Variants in IL1RAPL1 observed in about 807,000 individuals in gnomAD.
IL1RAPL1 encodes the protein interleukin-1 receptor accessory protein-like 1.
Under a neutral mutation model 48.4 loss-of-function variants are expected in IL1RAPL1, and 3 were observed. The observed-to-expected ratio is 0.06, with a 90% confidence interval of 0.03 to 0.16. The LOEUF (loss-of-function observed/expected upper bound fraction) is 0.16, where lower values mean the gene tolerates loss of function less well. Among genes scored for constraint, IL1RAPL1 ranks in the 10% least tolerant of loss-of-function variants. The pLI is 1.00. For missense variants in IL1RAPL1, 349 were observed against 530.6 expected, an observed-to-expected ratio of 0.66 and a Z score of 3.36; for synonymous variants, 185 against 187.7, an observed-to-expected ratio of 0.99 and a Z score of 0.12.
At chrX:29,950,102 A>G (rs996938197) in intron 9 of IL1RAPL1, among the ~76,000 whole-genome samples, 1 of 111,872 alleles carries the variant, frequency 8.9e-6, no homozygotes, top group African/African-American at 3.2e-5. Context: ...GAGGCTTTCT[A>G]CCAGTATAAT....
At chrX:28,746,627 T>C (rs1444496757) in intron 1 of IL1RAPL1, among the ~76,000 whole-genome samples, 1 of 112,214 alleles carries the variant, frequency 8.9e-6, no homozygotes, top group African/African-American at 3.2e-5. Context: ...TTAAAGTGAA[T>C]GTTCTGAATA....
intron 2 of IL1RAPL1, among the ~76,000 whole-genome samples, chrX:29,089,452 C>A (rs1488690197): frequency 9.2e-6 from 1 of 109,285 alleles, no homozygotes; most frequent in Non-Finnish European, 1.9e-5. Context: ...ACAGTGTTAA[C>A]TGTAGTCATC....
intron 6 of IL1RAPL1, among the ~76,000 whole-genome samples, chrX:29,855,498 G>T (rs1931459268): frequency 9.0e-6 from 1 of 111,503 alleles, no homozygotes; most frequent in African/African-American, 3.3e-5. Flanking sequence ...TTATCTCAAG[G>T]CTCTAGATAA....
At chrX:29,003,957 C>A (rs772438202) in intron 2 of IL1RAPL1, among the ~76,000 whole-genome samples, 1 of 111,745 alleles carries the variant, frequency 8.9e-6, no homozygotes, top group African/African-American at 3.3e-5. Flanking sequence ...ACCCGGCCAA[C>A]ATGGCAGAAC....
At chrX:29,588,746 C>A (rs1923266804) in intron 5 of IL1RAPL1, among the ~76,000 whole-genome samples, 1 of 112,027 alleles carries the variant, frequency 8.9e-6, no homozygotes, top group African/African-American at 3.2e-5. Flanking sequence ...TGGGGATCAT[C>A]TAGGTGAAGC....
At chrX:28,896,835 A>T (rs959559843) in intron 2 of IL1RAPL1, among the ~76,000 whole-genome samples, 1 of 110,544 alleles carries the variant, frequency 9.0e-6, no homozygotes, top group Non-Finnish European at 1.9e-5. Context: ...GGAGGGAACA[A>T]TGTGTGAAAG....
intron 3 of IL1RAPL1, among the ~76,000 whole-genome samples, chrX:29,335,242 G>A (rs2147640191): frequency 1.3e-5 from 1 of 78,860 alleles, no homozygotes; most frequent in African/African-American, 4.7e-5. Context: ...CGGCATCAGA[G>A]GGAGACCGTG....
intron 2 of IL1RAPL1, among the ~76,000 whole-genome samples, chrX:29,161,417 C>T (rs1388161241): frequency 8.9e-6 from 1 of 112,003 alleles, no homozygotes; most frequent in Non-Finnish European, 1.9e-5. Flanking sequence ...TTGAAGCTAA[C>T]GTATTAGGAA....
At chrX:29,652,158 C>A (rs929081094) in intron 5 of IL1RAPL1, among the ~76,000 whole-genome samples, 11 of 111,558 alleles carry the variant, frequency 9.9e-5, no homozygotes, top group Non-Finnish European at 2.1e-4. Context: ...CTAGTCAAAT[C>A]AAAAAATTTT....
rs1306757700 is a variant in IL1RAPL1, at chrX:29,045,938, TTCTTCC to T, written c.83-236997_83-236992del. On this transcript the variant is annotated intron_variant, in intron 2 of 10. Coordinates refer to ENST00000378993, the MANE Select transcript of IL1RAPL1 (RefSeq NM_014271.4). ...TCCTTCTTCCTCCTCCTCCTCCTCC[TTCTTCC>T]TCCTCCTCCTCCTCCTCCTCCTTCT... 4.5e-4 allele frequency among the ~76,000 whole-genome samples: 18 copies of T among 39,750 alleles called. No individual in the cohort carries two copies. The Admixed American group carries it at 5.4e-3, about 12-fold the overall frequency. The allele number at this position is 39,750 out of a possible 115,157, so 34.5% of individuals were successfully genotyped here.
rs913316963 is a variant in IL1RAPL1, at chrX:28,873,742, A to G, written c.82+84317A>G. On this transcript the variant is annotated intron_variant, in intron 2 of 10. Transcript: ENST00000378993. ...GAGACGGGGTTTCACTGTGTTAGCCAGGATGGTCTGGATCTCCTGACCTCG... is the reference window on the plus strand; with the variant it reads ...GAGACGGGGTTTCACTGTGTTAGCCGGGATGGTCTGGATCTCCTGACCTCG... Among the ~76,000 whole-genome samples, 20 of 107,310 alleles carry G rather than the reference A, an allele frequency of 1.9e-4. No individual in the cohort carries two copies. In the South Asian group the frequency reaches 2.5e-3, roughly 13 times the overall value. 93.2% of individuals were successfully genotyped at this position (107,310 alleles called of 115,157 possible).
chrX:29,528,075 C>G, intron 5 of IL1RAPL1, among the ~76,000 whole-genome samples: 2 of 112,132 alleles, frequency 1.8e-5, no homozygotes, highest in Admixed American at 1.9e-4. Flanking sequence ...TGTTCTGAAA[C>G]AAATGGAGGG....
chrX:28,601,003 A>G (rs1934018277), intron 1 of IL1RAPL1, among the ~76,000 whole-genome samples: 1 of 112,088 alleles, frequency 8.9e-6, no homozygotes, highest in Non-Finnish European at 1.9e-5. Context: ...AATCAAGTTA[A>G]ATACACTGAC....
chrX:28,632,697 T>A (rs999752568), intron 1 of IL1RAPL1, among the ~76,000 whole-genome samples: 2 of 111,515 alleles, frequency 1.8e-5, no homozygotes, highest in Non-Finnish European at 3.8e-5. Context: ...CAAATTAACA[T>A]TATTTTAGGG....
chrX:29,647,281 C>T (rs776088079), intron 5 of IL1RAPL1, among the ~76,000 whole-genome samples: 4 of 104,151 alleles, frequency 3.8e-5, no homozygotes, highest in South Asian at 9.3e-4. Context: ...ACATGGGAAG[C>T]GGAGGTTGCA....
chrX:29,780,531 A>T (rs374571764), intron 6 of IL1RAPL1, among the ~76,000 whole-genome samples: 1 of 111,292 alleles, frequency 9.0e-6, no homozygotes, highest in Non-Finnish European at 1.9e-5. Flanking sequence ...CCTGACCCAC[A>T]TTAGTGTTAT....
intron 2 of IL1RAPL1, among the ~76,000 whole-genome samples, chrX:29,059,406 T>C (rs1423132515): frequency 1.8e-5 from 2 of 111,966 alleles, no homozygotes; most frequent in Non-Finnish European, 3.8e-5. Context: ...TAATTCAGAA[T>C]AAAAGAAACT....
chrX:29,214,330 G>T (rs1249678203), intron 2 of IL1RAPL1, among the ~76,000 whole-genome samples: 2 of 111,377 alleles, frequency 1.8e-5, no homozygotes, highest in African/African-American at 6.5e-5. Context: ...GGGCTTATGT[G>T]TTTGGGATGC....
At chrX:29,467,861 ATTTAT>A (rs1934880864) in intron 5 of IL1RAPL1, among the ~76,000 whole-genome samples, 1 of 110,545 alleles carries the variant, frequency 9.0e-6, no homozygotes, top group Non-Finnish European at 1.9e-5. Context: ...TTTTATTTTT[ATTTAT>A]TTTATTTTTT....
Sources: allele counts gnomAD v4.1 joint callset (sites outside exome capture counted in the v4.1 genomes callset), GRCh38; gene constraint gnomAD v4.1.1; transcripts MANE v1.5; gene names NCBI Gene and HGNC (gene_info 2026-07-23, HGNC 2026-07-21).